Variants in CD300LG observed in about 807,000 individuals in gnomAD.
CD300LG encodes the protein CD300 molecule like family member g.
CD300LG carries 29 observed loss-of-function variants against 31.5 expected under a neutral mutation model. The ratio of observed to expected loss-of-function variants is 0.92; its 90% CI spans 0.68 to 1.25. CD300LG has a LOEUF of 1.25. Ranked by LOEUF, CD300LG falls within the 50% of genes most tolerant of loss-of-function variation. The pLI, the probability that CD300LG is intolerant of heterozygous loss-of-function variation, is 0.00. For synonymous variants in CD300LG, 175 were observed against 177.2 expected (o/e 0.99, Z 0.10); for missense variants, 396 against 417.6 (o/e 0.95, Z 0.45).
Position 43,862,046 on chromosome 17 carries a change from G to C in CD300LG, c.*135G>C. On this transcript the variant is annotated 3_prime_UTR_variant, in exon 7 of 7. Transcript: ENST00000317310. ...CCAGGGCTCTCCCCACCCTCCCCAG[G>C]CTCTCCTCTTGCATGTTCCAGCCTG... 1.7e-6 allele frequency: 1 copy of C among 578,412 alleles called. No individual in the cohort carries two copies. Among genetic ancestry groups the C allele is most frequent in the South Asian group, 2.4e-5 (1 of 42,400 alleles). 35.8% of individuals were successfully genotyped at this position (578,412 alleles called of 1,614,324 possible). A position where few individuals can be genotyped will look rare whatever the true frequency, so the allele number is the denominator to read the frequency against.
intron 6 of CD300LG, chr17:43,857,478 A>G: frequency 6.5e-7 from 1 of 1,535,442 alleles, no homozygotes; most frequent in Non-Finnish European, 8.7e-7. Context: ...ACAGAACATC[A>G]GAGCTGGATC....
Position 43,862,721 on chromosome 17 carries a change from C to T in CD300LG, c.*810C>T, listed in dbSNP as rs971172535. 6.6e-6 allele frequency: 1 copy of T among 152,186 alleles called. No homozygotes were observed. Among genetic ancestry groups the T allele is most frequent in the Admixed American group, 6.5e-5 (1 of 15,282 alleles). 9.4% of individuals were successfully genotyped at this position (152,186 alleles called of 1,614,324 possible). A position where few individuals can be genotyped will look rare whatever the true frequency, so the allele number is the denominator to read the frequency against. On this transcript the variant is annotated 3_prime_UTR_variant, in exon 7 of 7. Transcript: ENST00000317310. ...CCAGGCCTTGGTCAGGTCAGGTGCA[C>T]ATTGCAGGGATAAGCCCAGGACCGG...
intron 6 of CD300LG, among the ~76,000 whole-genome samples, chr17:43,860,430 A>T (rs1168941702): frequency 6.6e-6 from 1 of 152,228 alleles, no homozygotes; most frequent in Non-Finnish European, 1.5e-5. Flanking sequence ...CTGTCCAGGA[A>T]ACCCCAGGGC....
At chr17:43,861,331 T>C in intron 6 of CD300LG, 1 of 968,232 alleles carries the variant, frequency 1.0e-6, no homozygotes. Context: ...TTAGAGGAAG[T>C]GGAAGGAGGC....
chr17:43,853,086 T>C, intron 3 of CD300LG, 73 bp downstream of exon 3: 1 of 1,294,906 alleles, frequency 7.7e-7, no homozygotes, highest in Non-Finnish European at 1.1e-6. Context: ...GCCTGCCTGG[T>C]ACCAGACACA....
At chr17:43,860,432 C>T (rs1195399518) in intron 6 of CD300LG, among the ~76,000 whole-genome samples, 1 of 152,262 alleles carries the variant, frequency 6.6e-6, no homozygotes, top group Non-Finnish European at 1.5e-5. Context: ...GTCCAGGAAA[C>T]CCCAGGGCAG....
In CD300LG at chr17:43,848,872, A is replaced by T; in HGVS notation, c.358A>T (p.Ile120Phe). ...EKRGPDESLL[I>F]SLFVFPGPCC... ...ACGGGGCCCCGATGAGTCTTTACTG[A>T]TCTCTCTGTTCGTCTTTCCAGGTAA... The change falls in exon 2 of 7, where the codon ATC (isoleucine) becomes TTC (phenylalanine). Residue 120 changes from isoleucine (I) to phenylalanine (F), a missense_variant. By Grantham distance (21) the Ile-to-Phe change is conservative (BLOSUM62 0). Coordinates refer to ENST00000317310, the MANE Select transcript of CD300LG (RefSeq NM_145273.4). 1.2e-6 allele frequency: 2 copies of T among 1,610,636 alleles called. No individual in the cohort carries two copies.
chr17:43,850,010 A>G (rs891825281), intron 2 of CD300LG: 16 of 152,226 alleles, frequency 1.1e-4, no homozygotes, highest in African/African-American at 3.9e-4. Flanking sequence ...ACCAGTTATG[A>G]TCAAGTTCGC....
intron 1 of CD300LG, among the ~76,000 whole-genome samples, chr17:43,848,019 G>A (rs1468999716): frequency 6.6e-6 from 1 of 152,096 alleles, no homozygotes; most frequent in African/African-American, 2.4e-5. Context: ...GAGGCGGACG[G>A]ATCACAAGGT....
chr17:43,860,876 C>T (rs2046638869), intron 6 of CD300LG, among the ~76,000 whole-genome samples: 1 of 152,142 alleles, frequency 6.6e-6, no homozygotes, highest in African/African-American at 2.4e-5. Context: ...ATATTATAAT[C>T]CCAAAGGACA....
At chr17:43,855,171 G>A in intron 4 of CD300LG, 36 bp from the exon 5 acceptor site, 5 of 1,460,196 alleles carry the variant, frequency 3.4e-6, no homozygotes, top group Non-Finnish European at 4.7e-6. Context: ...GGCTTATCTG[G>A]TAACAGCCAC....
At chr17:43,860,834 C>T (rs1351253083) in intron 6 of CD300LG, among the ~76,000 whole-genome samples, 2 of 152,192 alleles carry the variant, frequency 1.3e-5, no homozygotes, top group African/African-American at 4.8e-5. Context: ...TCCAGAATTT[C>T]TCATTGGTTG....
At chr17:43,856,947 G>A (rs1005173966) in intron 5 of CD300LG, among the ~76,000 whole-genome samples, 157 bp from the exon 6 acceptor site, 1 of 152,220 alleles carries the variant, frequency 6.6e-6, no homozygotes, top group African/African-American at 2.4e-5. Context: ...AAGGGGCTAA[G>A]CTGGAAGGGG....
chr17:43,854,504 C>T (rs141605275), intron 4 of CD300LG, among the ~76,000 whole-genome samples: 2 of 152,212 alleles, frequency 1.3e-5, no homozygotes. Flanking sequence ...TCAGGCCCTG[C>T]TGAAAGTGAA....
intron 6 of CD300LG, 95 bp downstream of exon 6, chr17:43,857,251 C>T (rs1332843014): frequency 6.7e-7 from 1 of 1,496,442 alleles, no homozygotes; most frequent in East Asian, 2.4e-5. Flanking sequence ...CCTACCTGGT[C>T]CTCCTTGCCT....
At chr17:43,859,214 G>GAGAA (rs2046604340) in intron 6 of CD300LG, among the ~76,000 whole-genome samples, 1 of 152,134 alleles carries the variant, frequency 6.6e-6, no homozygotes, top group African/African-American at 2.4e-5. Context: ...CCAGACTCAG[G>GAGAA]AGAAAGACCC....
chr17:43,853,345 G>A (rs1035257172), intron 3 of CD300LG, among the ~76,000 whole-genome samples: 1 of 152,188 alleles, frequency 6.6e-6, no homozygotes, highest in African/African-American at 2.4e-5. Flanking sequence ...GCCCTTCCTG[G>A]TCTCATGGCT....
chr17:43,857,020 C>A, intron 5 of CD300LG, 84 bp from the exon 6 acceptor site: 2 of 1,388,766 alleles, frequency 1.4e-6, no homozygotes, highest in Non-Finnish European at 2.0e-6. Flanking sequence ...TGCAAGGGGG[C>A]CAGTCCACCT....
chr17:43,847,448 C>A (rs541479832), intron 1 of CD300LG, among the ~76,000 whole-genome samples, 189 bp downstream of exon 1: 29 of 152,278 alleles, frequency 1.9e-4, no homozygotes, highest in African/African-American at 6.7e-4. Flanking sequence ...GTTTCTGGAA[C>A]CTAGAGCCAG....
Sources: allele counts gnomAD v4.1 joint callset (sites outside exome capture counted in the v4.1 genomes callset), GRCh38; gene constraint gnomAD v4.1.1; transcripts MANE v1.5; gene names NCBI Gene and HGNC (gene_info 2026-07-23, HGNC 2026-07-21).